PCDH15: variants seen among roughly 807,000 people sequenced by gnomAD.
The protein encoded by PCDH15 is protocadherin-15.
PCDH15 carries 129 observed loss-of-function variants against 178.5 expected under a neutral mutation model. The observed-to-expected ratio is 0.72, with a 90% CI of 0.63 to 0.84. PCDH15 has a LOEUF of 0.84. Among genes scored for constraint, PCDH15 ranks in the 40% least tolerant of loss-of-function variants. The pLI, the probability that PCDH15 is intolerant of heterozygous loss-of-function variation, is 0.00. For missense variants in PCDH15, 2,230 were observed against 2,099.9 expected (o/e 1.06, Z -1.21); for synonymous variants, 800 against 732.0 (o/e 1.09, Z -1.50).
chr10:54,131,155 CTATAA>C (rs1186933195), intron 15 of PCDH15, among the ~76,000 whole-genome samples: 1 of 152,100 alleles, frequency 6.6e-6, no homozygotes, highest in Non-Finnish European at 1.5e-5. Context: ...AATTATTGAA[CTATAA>C]TATGTTTCCT....
chr10:55,603,169 G>A (rs1042689592), intron 2 of PCDH15, among the ~76,000 whole-genome samples: 22 of 152,088 alleles, frequency 1.4e-4, no homozygotes, highest in Non-Finnish European at 2.4e-4. Flanking sequence ...GAAATGAAGC[G>A]AGAAGGGAAG....
chr10:54,135,197 T>C (rs1029080078), intron 14 of PCDH15, among the ~76,000 whole-genome samples: 5 of 133,002 alleles, frequency 3.8e-5, no homozygotes, highest in Non-Finnish European at 6.1e-5. Context: ...GGCGAGACTC[T>C]GTCTCAAAAA....
chr10:54,747,933 G>A (rs1945682602), intron 1 of PCDH15, among the ~76,000 whole-genome samples: 2 of 151,700 alleles, frequency 1.3e-5, no homozygotes, highest in Middle Eastern at 3.4e-3. Flanking sequence ...AGCCTCCAGA[G>A]TAGCTGGGAC....
chr10:55,047,881 GAA>G (rs1308209191), intron 2 of PCDH15, among the ~76,000 whole-genome samples: 2 of 151,610 alleles, frequency 1.3e-5, no homozygotes, highest in Non-Finnish European at 3.0e-5. Context: ...TTGAATATTG[GAA>G]ATAAAAATGT....
intron 2 of PCDH15, among the ~76,000 whole-genome samples, chr10:55,037,071 A>G (rs1333011279): frequency 6.6e-6 from 1 of 152,200 alleles, no homozygotes; most frequent in Non-Finnish European, 1.5e-5. Context: ...CATTTTTCCC[A>G]TCACAGAATC....
At chr10:54,129,667 A>C (rs1450566364) in intron 15 of PCDH15, among the ~76,000 whole-genome samples, 1 of 152,212 alleles carries the variant, frequency 6.6e-6, no homozygotes, top group Non-Finnish European at 1.5e-5. Flanking sequence ...CTAAGTGTTA[A>C]TTATAGCTCC....
rs2093686412 is a variant in PCDH15 at position 54,631,013 on chromosome 10, G to A, written c.91+33159C>T. On this transcript the variant is annotated intron_variant, in intron 2 of 37. Coordinates refer to ENST00000644397, the MANE Select transcript of PCDH15 (RefSeq NM_001384140.1). Reference sequence around the variant, plus strand: ...AAAAAGTCAAAAAATAACAGATGTTGATGATATACTTTGAATATATGTCCC... The same window carrying A: ...AAAAAGTCAAAAAATAACAGATGTTAATGATATACTTTGAATATATGTCCC... 2.0e-5 allele frequency among the ~76,000 whole-genome samples: 3 copies of A among 152,108 alleles called. No homozygotes were observed. In the South Asian group the frequency reaches 6.2e-4, roughly 31 times the overall value.
intron 2 of PCDH15, among the ~76,000 whole-genome samples, chr10:55,475,657 G>A (rs917251314): frequency 1.3e-5 from 2 of 152,116 alleles, no homozygotes; most frequent in Admixed American, 6.6e-5. Flanking sequence ...TATAAAAGGT[G>A]TAAGTGAAGG....
At chr10:55,197,714 A>G (rs1387515963) in intron 1 of PCDH15, among the ~76,000 whole-genome samples, 1 of 152,036 alleles carries the variant, frequency 6.6e-6, no homozygotes, top group African/African-American at 2.4e-5. Context: ...CTAAATAGCA[A>G]GTGTTTATTC....
At chr10:55,554,982 G>A (rs1842063998) in intron 2 of PCDH15, among the ~76,000 whole-genome samples, 1 of 152,028 alleles carries the variant, frequency 6.6e-6, no homozygotes, top group African/African-American at 2.4e-5. Flanking sequence ...TTATGGGTTT[G>A]GGAAAGTCTA....
intron 2 of PCDH15, among the ~76,000 whole-genome samples, chr10:54,939,319 C>G (rs1167132442): frequency 6.6e-6 from 1 of 150,780 alleles, no homozygotes; most frequent in Non-Finnish European, 1.5e-5. Flanking sequence ...ACGGTGAAAC[C>G]TCGTCTCTAC....
intron 3 of PCDH15, among the ~76,000 whole-genome samples, chr10:54,877,979 T>G (rs11004616): frequency 1.8e-5 from 2 of 112,278 alleles, no homozygotes; most frequent in Non-Finnish European, 3.7e-5. Flanking sequence ...TTTTTTTTTG[T>G]TGAAGTGGAG....
intron 2 of PCDH15, among the ~76,000 whole-genome samples, chr10:55,537,041 GT>G (rs1247883010): frequency 2.0e-5 from 3 of 151,856 alleles, no homozygotes; most frequent in African/African-American, 7.3e-5. Context: ...ATTCTCAGAT[GT>G]TTTCTTTTTG....
intron 2 of PCDH15, among the ~76,000 whole-genome samples, chr10:54,964,200 A>C (rs897344132): frequency 6.6e-6 from 1 of 152,180 alleles, no homozygotes; most frequent in Admixed American, 6.5e-5. Flanking sequence ...GAACTTTTTC[A>C]AGTTTTAAGG....
intron 2 of PCDH15, among the ~76,000 whole-genome samples, chr10:55,066,627 CT>C (rs957633503): frequency 3.5e-5 from 5 of 144,052 alleles, no homozygotes; most frequent in Admixed American, 1.4e-4. Context: ...GCAAAGGTAA[CT>C]TTTTTTTTAA....
At chr10:54,211,723 A>G (rs2051457934) in intron 10 of PCDH15, among the ~76,000 whole-genome samples, 1 of 152,082 alleles carries the variant, frequency 6.6e-6, no homozygotes, top group Non-Finnish European at 1.5e-5. Context: ...GGGCCAATGA[A>G]AAAATGAAGT....
intron 3 of PCDH15, among the ~76,000 whole-genome samples, chr10:54,430,501 A>C (rs1049676913): frequency 2.0e-5 from 3 of 152,172 alleles, no homozygotes; most frequent in African/African-American, 7.2e-5. Flanking sequence ...GAAATCAATA[A>C]AAAATTAATT....
In PCDH15 at chr10:53,888,282, C is replaced by CTATATATATATA. The variant is rs201647527; in HGVS notation, c.3501+14960_3501+14961insTATATATATATA. ...TTGGATACAAATAAACATTCCAACA[C>CTATATATATATA]TATATATACATATATATATATATAT... On this transcript the variant is annotated intron_variant, in intron 26 of 37. Transcript: ENST00000644397. Among the ~76,000 whole-genome samples, 312 of 95,318 alleles carry CTATATATATATA rather than the reference C, an allele frequency of 3.3e-3. 16 individuals carry two copies. The highest frequency in any genetic ancestry group is 0.015 in the African/African-American group (232 of 15,620). The allele number at this position is 95,318 out of a possible 152,430, so 62.5% of individuals were successfully genotyped here.
At chr10:55,138,942 A>C (rs1838276162) in intron 2 of PCDH15, among the ~76,000 whole-genome samples, 1 of 151,978 alleles carries the variant, frequency 6.6e-6, no homozygotes, top group African/African-American at 2.4e-5. Flanking sequence ...TGTATTAGTA[A>C]TTTGTTACTA....
Sources: gnomAD v4.1 joint callset for allele counts (sites outside exome capture counted in the v4.1 genomes callset) on GRCh38, gnomAD v4.1.1 for gene constraint, MANE v1.5 for transcripts, NCBI Gene and HGNC (gene_info 2026-07-23, HGNC 2026-07-21) for gene names.